The following PSMD1 variants were observed in gnomAD, a reference collection of about 807,000 sequenced individuals.
The protein encoded by PSMD1 is proteasome 26S subunit, non-ATPase 1, also known as 26S proteasome non-ATPase regulatory subunit 1.
PSMD1 carries 18 observed loss-of-function variants against 119.0 expected under a neutral mutation model. The ratio of observed to expected loss-of-function variants is 0.15; its 90% confidence interval spans 0.10 to 0.22. PSMD1 has a LOEUF of 0.22. Among genes scored for constraint, PSMD1 ranks in the 10% least tolerant of loss-of-function variants. The pLI is 1.00. For missense variants in PSMD1, 702 were observed against 1,158.5 expected (o/e 0.61, Z 5.72); for synonymous variants, 374 against 396.6 (o/e 0.94, Z 0.68).
intron 16 of PSMD1, chr2:231,108,154 T>G: frequency 4.1e-6 from 1 of 245,856 alleles, no homozygotes; most frequent in Non-Finnish European, 7.9e-6. Flanking sequence ...AAGGCTAATG[T>G]TTGTTTTGTT....
At chr2:231,129,523 G>A (rs1378821924) in intron 16 of PSMD1, among the ~76,000 whole-genome samples, 1 of 152,130 alleles carries the variant, frequency 6.6e-6, no homozygotes, top group Non-Finnish European at 1.5e-5. Flanking sequence ...TTGCCTAAAA[G>A]TATACTAATT....
intron 16 of PSMD1, among the ~76,000 whole-genome samples, chr2:231,134,642 T>C (rs987063097): frequency 6.6e-6 from 1 of 152,220 alleles, no homozygotes; most frequent in African/African-American, 2.4e-5. Flanking sequence ...AAAATCAATA[T>C]GGTTTTTCTA....
At chr2:231,109,312 G>T (rs765924391) in intron 16 of PSMD1, 19 of 1,614,102 alleles carry the variant, frequency 1.2e-5, no homozygotes, top group Non-Finnish European at 1.5e-5. Flanking sequence ...CAAAGAGCAT[G>T]AAATCGCCAA....
chr2:231,090,673 A>G (rs1040104689), intron 16 of PSMD1, among the ~76,000 whole-genome samples: 8 of 152,252 alleles, frequency 5.3e-5, no homozygotes, highest in East Asian at 3.8e-4. Context: ...TCCAGATGCC[A>G]TAAGAACATT....
intron 19 of PSMD1, among the ~76,000 whole-genome samples, chr2:231,159,740 A>G (rs1362699047): frequency 6.6e-6 from 1 of 152,178 alleles, no homozygotes; most frequent in African/African-American, 2.4e-5. Flanking sequence ...CTAGAGGAAT[A>G]GTCTAGGGCA....
chr2:231,143,178 G>A (rs944579667), intron 17 of PSMD1, among the ~76,000 whole-genome samples: 2 of 148,654 alleles, frequency 1.3e-5, no homozygotes, highest in East Asian at 3.9e-4. Flanking sequence ...CAGATTAAAG[G>A]AACGTTGTGG....
At chr2:231,072,691 A>C (rs1249716526) in intron 7 of PSMD1, among the ~76,000 whole-genome samples, 1 of 152,096 alleles carries the variant, frequency 6.6e-6, no homozygotes, top group Non-Finnish European at 1.5e-5. Flanking sequence ...AAGTAAATTT[A>C]AAAAAACAGG....
chr2:231,078,492 C>T (rs374786663), intron 9 of PSMD1, among the ~76,000 whole-genome samples, 167 bp from the exon 10 acceptor site: 1 of 152,186 alleles, frequency 6.6e-6, no homozygotes, highest in African/African-American at 2.4e-5. Context: ...TTTGTATAAA[C>T]TAGCTATTTA....
chr2:231,114,332 T>C (rs1190706545), intron 16 of PSMD1, among the ~76,000 whole-genome samples: 4 of 152,156 alleles, frequency 2.6e-5, no homozygotes, highest in African/African-American at 7.2e-5. Context: ...CATTTTACCA[T>C]GTAGAGGAAA....
intron 4 of PSMD1, among the ~76,000 whole-genome samples, chr2:231,064,305 A>G (rs114198376): frequency 3.9e-4 from 60 of 152,320 alleles, no homozygotes; most frequent in Admixed American, 4.6e-4. Context: ...CGTAAACAGT[A>G]CCTCCAGAAA....
intron 12 of PSMD1, 65 bp from the exon 13 acceptor site, chr2:231,082,818 T>G: frequency 8.3e-7 from 1 of 1,199,562 alleles, no homozygotes. Flanking sequence ...ATTTTGAAAT[T>G]AGAATAAAAA....
chr2:231,083,117 A>G, intron 13 of PSMD1, 123 bp downstream of exon 13: 1 of 789,538 alleles, frequency 1.3e-6, no homozygotes, highest in Non-Finnish European at 2.0e-6. Context: ...GTTGAAGAGG[A>G]AGTGAATTTT....
chr2:231,156,246 T>C (rs1327433498), intron 19 of PSMD1, among the ~76,000 whole-genome samples: 1 of 152,010 alleles, frequency 6.6e-6, no homozygotes, highest in Non-Finnish European at 1.5e-5. Context: ...AAATGCAGAG[T>C]TTCCATATGT....
In PSMD1 at chr2:231,085,872, C is replaced by T. The variant is rs1202060026; in HGVS notation, c.1818+758C>T. On this transcript the variant is annotated intron_variant, in intron 15 of 24. Transcript: ENST00000308696. ...CTGGGAAAAGGTAAACCAAGGGTACCTTTCTATGCAGAAAGACTTAGAACT... is the reference window on the plus strand; with the variant it reads ...CTGGGAAAAGGTAAACCAAGGGTACTTTTCTATGCAGAAAGACTTAGAACT... 2.0e-5 allele frequency among the ~76,000 whole-genome samples: 3 copies of T among 152,210 alleles called. No individual in the cohort carries two copies. The East Asian group carries it at 5.8e-4, about 29-fold the overall frequency.
At chr2:231,099,382 C>T (rs897575040) in intron 16 of PSMD1, among the ~76,000 whole-genome samples, 1 of 152,148 alleles carries the variant, frequency 6.6e-6, no homozygotes, top group African/African-American at 2.4e-5. Flanking sequence ...CATCCTCATT[C>T]GACCCAAAGT....
At chr2:231,153,791 G>T (rs1696420974) in intron 19 of PSMD1, 125 bp downstream of exon 19, 2 of 675,194 alleles carry the variant, frequency 3.0e-6, no homozygotes, top group Non-Finnish European at 2.5e-6. Context: ...AGAAAATTTG[G>T]AGCCTGCAGT....
At chr2:231,108,574 C>A (rs1345271980) in intron 16 of PSMD1, 1 of 1,613,850 alleles carries the variant, frequency 6.2e-7, no homozygotes, top group Admixed American at 1.7e-5. Flanking sequence ...TGAGGAGAAG[C>A]GTATCTAGTA....
At chr2:231,123,893 C>A in intron 16 of PSMD1, 1 of 735,882 alleles carries the variant, frequency 1.4e-6, no homozygotes, top group Non-Finnish European at 2.4e-6. Flanking sequence ...TGACACCTTC[C>A]TTTAAAAAAA....
At chr2:231,143,181 C>T (rs555302835) in intron 17 of PSMD1, among the ~76,000 whole-genome samples, 41 of 144,662 alleles carry the variant, frequency 2.8e-4, no homozygotes, top group South Asian at 1.8e-3. Context: ...ATTAAAGGAA[C>T]GTTGTGGGTT....
Sources: gnomAD v4.1 joint callset for allele counts (sites outside exome capture counted in the v4.1 genomes callset) on GRCh38, gnomAD v4.1.1 for gene constraint, MANE v1.5 for transcripts, NCBI Gene and HGNC (gene_info 2026-07-23, HGNC 2026-07-21) for gene names.